Variants in MAMDC2 observed in about 807,000 individuals in gnomAD.
MAMDC2 encodes the protein MAM domain containing 2.
A neutral mutation model predicts 89.8 loss-of-function variants in MAMDC2; 57 were observed. That is an observed-to-expected ratio of 0.63 (90% confidence interval 0.51 to 0.79). The LOEUF (loss-of-function observed/expected upper bound fraction) is 0.79, where lower values mean the gene tolerates loss of function less well. Among genes scored for constraint, MAMDC2 ranks in the 30% least tolerant of loss-of-function variants. The pLI is 0.00. For missense variants in MAMDC2, 800 were observed against 820.6 expected (o/e 0.97, Z 0.31); for synonymous variants, 313 against 293.4 (o/e 1.07, Z -0.68).
chr9:70,226,682 T>C lies in MAMDC2; in HGVS notation c.*650T>C, dbSNP rs996816769. ...AATGCTACCTTCTTTATTCCCCCTT[T>C]GAACTACCTTTGAAGTCACTATGAG... On this transcript the variant is annotated 3_prime_UTR_variant, in exon 14 of 14. Transcript: ENST00000377182. 6.6e-6 allele frequency: 1 copy of C among 152,446 alleles called. No individual in the cohort carries two copies. The allele number at this position is 152,446 out of a possible 1,614,324, so 9.4% of individuals were successfully genotyped here.
At chr9:70,068,725 C>CAA (rs34946038) in intron 2 of MAMDC2, among the ~76,000 whole-genome samples, 5,551 of 99,484 alleles carry the variant, frequency 0.056, 324 homozygotes, top group Non-Finnish European at 0.07. Context: ...CCCTCCATCA[C>CAA]AAAAAAAAAA....
intron 11 of MAMDC2, among the ~76,000 whole-genome samples, chr9:70,202,228 T>C (rs9696027): frequency 0.92 from 135,214 of 146,902 alleles, 62,313 homozygotes; most frequent in East Asian, 0.98. Context: ...GCTTTGAATG[T>C]GTCCCAGAGA....
At chr9:70,129,824 G>T (rs1030665433) in intron 6 of MAMDC2, among the ~76,000 whole-genome samples, 1 of 152,132 alleles carries the variant, frequency 6.6e-6, no homozygotes, top group African/African-American at 2.4e-5. Flanking sequence ...TTAAGAAACA[G>T]AAATTTTGTA....
intron 2 of MAMDC2, among the ~76,000 whole-genome samples, chr9:70,105,699 C>A (rs2118240044): frequency 6.6e-6 from 1 of 152,232 alleles, no homozygotes; most frequent in Non-Finnish European, 1.5e-5. Flanking sequence ...TTAAATAGTA[C>A]ATTTTATATA....
rs557162299 is a variant in MAMDC2, at chr9:70,102,203, T to A, written c.149-6008T>A. Among the ~76,000 whole-genome samples the A allele has an allele frequency of 3.3e-5, 5 of 152,320 alleles. No homozygotes were observed. In the South Asian group the frequency reaches 1.0e-3, roughly 32 times the overall value. On this transcript the variant is annotated intron_variant, in intron 2 of 13. Coordinates refer to ENST00000377182, the MANE Select transcript of MAMDC2 (RefSeq NM_153267.5). ...TAAAGTGGCTCTCTTCTTTTATTAG[T>A]CTCATTTTGAAAATAAAGAAGCCAG...
chr9:70,096,895 A>G (rs1341494684), intron 2 of MAMDC2, among the ~76,000 whole-genome samples: 1 of 152,206 alleles, frequency 6.6e-6, no homozygotes, highest in Non-Finnish European at 1.5e-5. Flanking sequence ...TGCTGCTGCC[A>G]TGCGATTTTA....
Position 70,143,789 on chromosome 9 carries a change from A to G in MAMDC2, c.1374A>G (p.Glu458=). 1.2e-6 allele frequency: 2 copies of G among 1,614,180 alleles called. No individual in the cohort carries two copies. The highest frequency in any genetic ancestry group is 1.7e-6 in the Non-Finnish European group (2 of 1,180,004). Residue 458 remains glutamate (E), a synonymous_variant, in exon 9 of 14, where the codon GAA becomes GAG. Transcript: ENST00000377182. ...ESPRGVWMQA[E]ITFKKPMPTK... Reference sequence around the variant, plus strand: ...CAAGGGGTGTTTGGATGCAAGCTGAAATCACCTTTAAGAAGCCCATGCCTA... The same window carrying G: ...CAAGGGGTGTTTGGATGCAAGCTGAGATCACCTTTAAGAAGCCCATGCCTA...
chr9:70,208,869 T>C (rs2033288117), intron 11 of MAMDC2, among the ~76,000 whole-genome samples: 2 of 152,342 alleles, frequency 1.3e-5, no homozygotes, highest in Admixed American at 1.3e-4. Flanking sequence ...AAAGGCCTTT[T>C]CTGTGTCTAT....
chr9:70,204,277 C>T (rs2118641548), intron 11 of MAMDC2, among the ~76,000 whole-genome samples: 1 of 151,148 alleles, frequency 6.6e-6, no homozygotes, highest in African/African-American at 2.4e-5. Context: ...TTCTAACAGA[C>T]AGGACCCTCA....
chr9:70,097,498 C>T (rs1288705839), intron 2 of MAMDC2, among the ~76,000 whole-genome samples: 2 of 152,184 alleles, frequency 1.3e-5, no homozygotes, highest in African/African-American at 2.4e-5. Context: ...GAAGTTTGTA[C>T]GTGGTAATTT....
intron 11 of MAMDC2, among the ~76,000 whole-genome samples, chr9:70,199,513 G>A (rs1255443001): frequency 2.7e-5 from 4 of 148,002 alleles, no homozygotes; most frequent in Non-Finnish European, 6.0e-5. Context: ...ATAAACATAC[G>A]TGTGCATGTG....
intron 2 of MAMDC2, among the ~76,000 whole-genome samples, chr9:70,102,576 A>C (rs895816844): frequency 2.0e-5 from 3 of 152,122 alleles, no homozygotes; most frequent in African/African-American, 7.2e-5. Flanking sequence ...TTAAACAGAA[A>C]AGCTTTTTCT....
chr9:70,101,888 C>T (rs772395182), intron 2 of MAMDC2, among the ~76,000 whole-genome samples: 56 of 152,238 alleles, frequency 3.7e-4, no homozygotes, highest in African/African-American at 1.3e-3. Context: ...CAGCACAAAA[C>T]GTGAAAATTA....
intron 2 of MAMDC2, among the ~76,000 whole-genome samples, chr9:70,064,709 G>A (rs571211180): frequency 2.7e-4 from 41 of 152,308 alleles, no homozygotes; most frequent in Admixed American, 2.7e-3. Flanking sequence ...CATAACACAT[G>A]TAAATGAGGA....
chr9:70,210,116 T>A (rs1286572669), intron 11 of MAMDC2, among the ~76,000 whole-genome samples: 1 of 152,192 alleles, frequency 6.6e-6, no homozygotes, highest in African/African-American at 2.4e-5. Context: ...ATTCTGTCGA[T>A]TTGGGGTGGA....
intron 2 of MAMDC2, among the ~76,000 whole-genome samples, chr9:70,099,267 A>G (rs3015190): frequency 0.064 from 9,725 of 152,208 alleles, 979 homozygotes; most frequent in African/African-American, 0.21. Context: ...AAGGAGTGCT[A>G]TATTATTTAT....
At chr9:70,193,756 G>A (rs1473528630) in intron 11 of MAMDC2, among the ~76,000 whole-genome samples, 1 of 152,074 alleles carries the variant, frequency 6.6e-6, no homozygotes, top group Non-Finnish European at 1.5e-5. Context: ...GGTATTGGTG[G>A]TAACAAGATT....
chr9:70,226,169 C>T lies in MAMDC2; in HGVS notation c.*137C>T, dbSNP rs750613490. 3 of 513,596 alleles carry T rather than the reference C, an allele frequency of 5.8e-6. No homozygotes were observed. Among genetic ancestry groups the T allele is most frequent in the African/African-American group, 2.0e-5 (1 of 49,878 alleles). The allele number at this position is 513,596 out of a possible 1,614,324, so 31.8% of individuals were successfully genotyped here. A position where few individuals can be genotyped will look rare whatever the true frequency, so the allele number is the denominator to read the frequency against. Reference sequence around the variant, plus strand: ...GACTTTAGAGCACCCTCCTTCATTACTTTTGCAAAAACATACTGACTCAGG... The same window carrying T: ...GACTTTAGAGCACCCTCCTTCATTATTTTTGCAAAAACATACTGACTCAGG... On this transcript the variant is annotated 3_prime_UTR_variant, in exon 14 of 14. Coordinates refer to ENST00000377182, the MANE Select transcript of MAMDC2 (RefSeq NM_153267.5).
chr9:70,096,868 C>A (rs561984171), intron 2 of MAMDC2, among the ~76,000 whole-genome samples: 1 of 152,258 alleles, frequency 6.6e-6, no homozygotes, highest in East Asian at 1.9e-4. Flanking sequence ...AAGAACATTT[C>A]AAGATCACGA....
Sources: allele counts gnomAD v4.1 joint callset (sites outside exome capture counted in the v4.1 genomes callset), GRCh38; gene constraint gnomAD v4.1.1; transcripts MANE v1.5; gene names NCBI Gene and HGNC (gene_info 2026-07-23, HGNC 2026-07-21).